CERS6: variants seen among roughly 807,000 people sequenced by gnomAD.
CERS6 encodes the protein LAG1 homolog, ceramide synthase 6.
Under a neutral mutation model 56.8 loss-of-function variants are expected in CERS6, and 26 were observed. The observed-to-expected ratio is 0.46, with a 90% CI of 0.34 to 0.63. CERS6 has a LOEUF of 0.63. Among genes scored for constraint, CERS6 ranks in the 30% least tolerant of loss-of-function variants. The pLI is 0.01. For missense variants in CERS6, 415 were observed against 467.5 expected (o/e 0.89, Z 1.04); for synonymous variants, 164 against 173.3 (o/e 0.95, Z 0.42).
chr2:168,702,913 C>A (rs1016856822), intron 6 of CERS6, among the ~76,000 whole-genome samples: 3 of 152,148 alleles, frequency 2.0e-5, no homozygotes, highest in African/African-American at 7.2e-5. Context: ...CAAACAACAT[C>A]TGGCAACAGA....
chr2:168,547,748 C>G (rs1402242046), intron 2 of CERS6, 47 bp downstream of exon 2: 1 of 1,265,310 alleles, frequency 7.9e-7, no homozygotes, highest in East Asian at 2.3e-5. Flanking sequence ...GGTCACCATT[C>G]TCAGCCTGCT....
At chr2:168,546,437 G>A (rs1210915095) in intron 1 of CERS6, among the ~76,000 whole-genome samples, 2 of 152,124 alleles carry the variant, frequency 1.3e-5, no homozygotes, top group African/African-American at 4.8e-5. Flanking sequence ...AGGCTTGCAC[G>A]TGTACAATGT....
chr2:168,556,983 T>G (rs1695691180), intron 2 of CERS6, among the ~76,000 whole-genome samples: 1 of 107,424 alleles, frequency 9.3e-6, no homozygotes. Flanking sequence ...GGTGAAACCT[T>G]GTCTCTACAA....
At chr2:168,554,508 A>C (rs1695640288) in intron 2 of CERS6, among the ~76,000 whole-genome samples, 2 of 152,192 alleles carry the variant, frequency 1.3e-5, no homozygotes, top group South Asian at 4.1e-4. Flanking sequence ...GCATGAGGGA[A>C]GATGCTGTGA....
intron 4 of CERS6, among the ~76,000 whole-genome samples, chr2:168,688,541 G>A (rs1410246232): frequency 1.3e-5 from 2 of 152,126 alleles, no homozygotes; most frequent in African/African-American, 4.8e-5. Flanking sequence ...CTATAAATTG[G>A]GAAAGATATT....
At chr2:168,679,630 C>T (rs1419328073) in intron 4 of CERS6, among the ~76,000 whole-genome samples, 1 of 152,102 alleles carries the variant, frequency 6.6e-6, no homozygotes, top group African/African-American at 2.4e-5. Context: ...AAATATTGTT[C>T]AGGGAGATTA....
intron 4 of CERS6, among the ~76,000 whole-genome samples, chr2:168,648,843 G>T (rs975355308): frequency 5.9e-5 from 9 of 152,044 alleles, no homozygotes; most frequent in Non-Finnish European, 1.2e-4. Context: ...TTGCACTGTG[G>T]TCCGAGCTTA....
At chr2:168,478,184 C>G (rs1558964679) in intron 1 of CERS6, among the ~76,000 whole-genome samples, 1 of 152,010 alleles carries the variant, frequency 6.6e-6, no homozygotes, top group South Asian at 2.1e-4. Flanking sequence ...TTTTCTCTAG[C>G]CTGCTTGATG....
intron 1 of CERS6, among the ~76,000 whole-genome samples, chr2:168,512,171 G>A (rs547521704): frequency 6.6e-6 from 1 of 152,224 alleles, no homozygotes; most frequent in East Asian, 1.9e-4. Flanking sequence ...GGTGCCAGGA[G>A]CTAGGAGGAG....
chr2:168,641,692 G>A (rs977183434), intron 4 of CERS6, among the ~76,000 whole-genome samples: 1 of 152,124 alleles, frequency 6.6e-6, no homozygotes, highest in African/African-American at 2.4e-5. Context: ...CACGAGAGGT[G>A]TTCAATAAAT....
At chr2:168,698,255 G>GAAAAA (rs869056813) in intron 6 of CERS6, among the ~76,000 whole-genome samples, 5 of 17,946 alleles carry the variant, frequency 2.8e-4, no homozygotes, top group Non-Finnish European at 5.9e-4. Flanking sequence ...AAAAAAAAAA[G>GAAAAA]AAAAAAAAAA....
chr2:168,641,445 A>G (rs918757964), intron 4 of CERS6, among the ~76,000 whole-genome samples: 2 of 152,108 alleles, frequency 1.3e-5, no homozygotes, highest in Admixed American at 6.5e-5. Context: ...TAGACTTCCC[A>G]CTGCCCCACA....
rs1443377640 is a variant in CERS6, at chr2:168,554,445, A to C, written c.276+6744A>C. On this transcript the variant is annotated intron_variant, in intron 2 of 9. Transcript: ENST00000305747. ...AATGGGATTATTATGGTGGGTCCTAATCCAATATGCCGGGTGTCCATATAC... is the reference window on the plus strand; with the variant it reads ...AATGGGATTATTATGGTGGGTCCTACTCCAATATGCCGGGTGTCCATATAC... 2.0e-5 allele frequency among the ~76,000 whole-genome samples: 3 copies of C among 152,196 alleles called. No homozygotes were observed. In the East Asian group the frequency reaches 5.8e-4, roughly 29 times the overall value.
chr2:168,579,680 A>G (rs1266717088), intron 3 of CERS6, among the ~76,000 whole-genome samples: 1 of 152,112 alleles, frequency 6.6e-6, no homozygotes, highest in Non-Finnish European at 1.5e-5. Flanking sequence ...TGGAGCTCCC[A>G]TGAGAGCCCT....
intron 9 of CERS6, 52 bp downstream of exon 9, chr2:168,765,800 A>C (rs1684717238): frequency 1.3e-6 from 2 of 1,514,740 alleles, no homozygotes; most frequent in African/African-American, 2.8e-5. Flanking sequence ...TTGTTTTTGT[A>C]ATTTCTCTGG....
intron 8 of CERS6, among the ~76,000 whole-genome samples, chr2:168,758,976 A>G (rs1233909057): frequency 6.6e-6 from 1 of 152,226 alleles, no homozygotes; most frequent in South Asian, 2.1e-4. Flanking sequence ...ACTGTTCTGC[A>G]TGAATGTATG....
intron 1 of CERS6, among the ~76,000 whole-genome samples, chr2:168,507,339 C>T (rs183830847): frequency 1.3e-5 from 2 of 152,230 alleles, no homozygotes; most frequent in African/African-American, 4.8e-5. Flanking sequence ...CATGTCTCTT[C>T]GAACTTCTGC....
At chr2:168,698,903 A>G (rs968448046) in intron 6 of CERS6, among the ~76,000 whole-genome samples, 57 of 152,182 alleles carry the variant, frequency 3.7e-4, no homozygotes, top group African/African-American at 1.4e-3. Flanking sequence ...CATGTTTTAG[A>G]TAGGTAGCTC....
intron 4 of CERS6, among the ~76,000 whole-genome samples, chr2:168,631,574 AAT>A (rs1491575251): frequency 8.4e-6 from 1 of 118,450 alleles, no homozygotes; most frequent in African/African-American, 3.4e-5. Context: ...TATTAAATAT[AAT>A]ATATATTTAA....
Sources: gnomAD v4.1 joint callset for allele counts (sites outside exome capture counted in the v4.1 genomes callset) on GRCh38, gnomAD v4.1.1 for gene constraint, MANE v1.5 for transcripts, NCBI Gene and HGNC (gene_info 2026-07-23, HGNC 2026-07-21) for gene names.